The following PRR16 variants were observed in gnomAD, a reference collection of about 807,000 sequenced individuals.
PRR16 encodes the protein proline rich 16.
A neutral mutation model predicts 18.2 loss-of-function variants in PRR16; 6 were observed. The ratio of observed to expected loss-of-function variants is 0.33; its 90% CI spans 0.18 to 0.65. PRR16 has a LOEUF of 0.65. Ranked by LOEUF, PRR16 falls within the 30% of genes least tolerant of loss-of-function variation. The pLI is 0.74. For synonymous variants in PRR16, 151 were observed against 147.8 expected (o/e 1.02, Z -0.16); for missense variants, 412 against 376.6 (o/e 1.09, Z -0.78).
At chr5:120,624,761 C>G (rs1044651458) in intron 1 of PRR16, among the ~76,000 whole-genome samples, 1 of 152,110 alleles carries the variant, frequency 6.6e-6, no homozygotes, top group Non-Finnish European at 1.5e-5. Context: ...TGGTATGGCT[C>G]TGTGTCCCCA....
intron 1 of PRR16, among the ~76,000 whole-genome samples, chr5:120,665,313 C>T (rs1340507125): frequency 2.6e-5 from 4 of 151,492 alleles, no homozygotes; most frequent in Admixed American, 6.6e-5. Context: ...TGTTTGTTTT[C>T]TTCTTGTAAA....
At chr5:120,523,433 A>C (rs1406480627) in intron 1 of PRR16, among the ~76,000 whole-genome samples, 2 of 152,206 alleles carry the variant, frequency 1.3e-5, no homozygotes, top group Non-Finnish European at 2.9e-5. Flanking sequence ...TGCAGATATG[A>C]ACTTTGCCAT....
chr5:120,605,411 CT>C (rs1477845728), intron 1 of PRR16, among the ~76,000 whole-genome samples: 2 of 152,124 alleles, frequency 1.3e-5, no homozygotes, highest in East Asian at 1.9e-4. Context: ...TCTATGTTGT[CT>C]TTCAATGCTT....
At chr5:120,763,313 T>C in the PRR16 span, among the ~76,000 whole-genome samples, 1 of 152,018 alleles carries the variant, frequency 6.6e-6, no homozygotes, top group Non-Finnish European at 1.5e-5. Context: ...GTCTGGCTCT[T>C]TTTTTTGTAT....
chr5:120,545,606 A>C (rs1442222175), intron 1 of PRR16, among the ~76,000 whole-genome samples: 1 of 152,018 alleles, frequency 6.6e-6, no homozygotes, highest in Non-Finnish European at 1.5e-5. Flanking sequence ...TTCTTTTGAA[A>C]ATGTTGCATG....
At chr5:120,534,751 C>A (rs1401275859) in intron 1 of PRR16, among the ~76,000 whole-genome samples, 4 of 152,080 alleles carry the variant, frequency 2.6e-5, no homozygotes, top group South Asian at 2.1e-4. Flanking sequence ...AATGTAAAAT[C>A]TTTGCATGTT....
At chr5:120,518,527 T>A (rs1751070986) in intron 1 of PRR16, among the ~76,000 whole-genome samples, 1 of 151,774 alleles carries the variant, frequency 6.6e-6, no homozygotes. Context: ...AGAAAGAAAA[T>A]TGTGTTTGTG....
intron 1 of PRR16, among the ~76,000 whole-genome samples, chr5:120,602,600 T>A (rs1403218856): frequency 6.6e-6 from 1 of 152,108 alleles, no homozygotes; most frequent in African/African-American, 2.4e-5. Context: ...TCCTGTATTA[T>A]GCTGAATAGG....
At chr5:120,536,844 A>G (rs1233130329) in intron 1 of PRR16, among the ~76,000 whole-genome samples, 2 of 152,268 alleles carry the variant, frequency 1.3e-5, no homozygotes, top group Non-Finnish European at 2.9e-5. Flanking sequence ...AATACACATC[A>G]TGGAATACTA....
At chr5:120,701,191 T>G in the PRR16 span, among the ~76,000 whole-genome samples, 28 of 152,228 alleles carry the variant, frequency 1.8e-4, no homozygotes, top group East Asian at 3.5e-3. Context: ...TTTCTATTAT[T>G]GTACACCTTG....
the PRR16 span, among the ~76,000 whole-genome samples, chr5:120,708,590 A>G: frequency 6.6e-6 from 1 of 152,346 alleles, no homozygotes; most frequent in African/African-American, 2.4e-5. Context: ...ATAAAAGGGA[A>G]AGTGTAAAGG....
intron 1 of PRR16, among the ~76,000 whole-genome samples, chr5:120,660,732 C>T (rs1019924336): frequency 6.6e-5 from 10 of 151,976 alleles, no homozygotes; most frequent in Non-Finnish European, 1.3e-4. Flanking sequence ...ACTATATAGG[C>T]ACTCATGACA....
chr5:120,754,462 G>GTATATAGTATATATTATA, the PRR16 span, among the ~76,000 whole-genome samples: 2 of 53,980 alleles, frequency 3.7e-5, no homozygotes, highest in African/African-American at 1.6e-4. Context: ...ATAATATATA[G>GTATATAGTATATATTATA]TATATAGTAT....
the PRR16 span, among the ~76,000 whole-genome samples, chr5:120,709,945 G>C: frequency 9.9e-5 from 15 of 152,256 alleles, no homozygotes; most frequent in Non-Finnish European, 2.1e-4. Context: ...CAGGAGCATA[G>C]ATATGTCTTC....
intron 1 of PRR16, among the ~76,000 whole-genome samples, chr5:120,646,931 C>T (rs1270849906): frequency 3.3e-5 from 5 of 151,740 alleles, no homozygotes; most frequent in Non-Finnish European, 7.4e-5. Context: ...TTCCAGGAAT[C>T]ATGGGTTGCA....
intron 1 of PRR16, among the ~76,000 whole-genome samples, chr5:120,548,873 C>T (rs1007460716): frequency 2.8e-5 from 4 of 144,778 alleles, no homozygotes; most frequent in African/African-American, 7.7e-5. Flanking sequence ...TTTGATGCAT[C>T]GAACTGAGTT....
the PRR16 span, among the ~76,000 whole-genome samples, chr5:120,735,233 A>G: frequency 3.9e-5 from 6 of 152,196 alleles, no homozygotes; most frequent in Non-Finnish European, 8.8e-5. Flanking sequence ...TTATATGTAT[A>G]TACCAGAGTT....
chr5:120,635,409 A>G (rs1256546076), intron 1 of PRR16, among the ~76,000 whole-genome samples: 1 of 152,186 alleles, frequency 6.6e-6, no homozygotes, highest in Admixed American at 6.6e-5. Flanking sequence ...TATCAAAAAG[A>G]TAATGCACCA....
intron 1 of PRR16, among the ~76,000 whole-genome samples, chr5:120,680,880 G>T (rs1413681167): frequency 2.0e-5 from 3 of 152,106 alleles, no homozygotes; most frequent in Non-Finnish European, 4.4e-5. Flanking sequence ...ACTCGTGTGT[G>T]TGTACACATG....
Sources: gnomAD v4.1 joint callset for allele counts (sites outside exome capture counted in the v4.1 genomes callset) on GRCh38, gnomAD v4.1.1 for gene constraint, MANE v1.5 for transcripts, NCBI Gene and HGNC (gene_info 2026-07-23, HGNC 2026-07-21) for gene names.